AFF1: variants seen among roughly 807,000 people sequenced by gnomAD.
AFF1 encodes the protein ALF transcription elongation factor 1.
In AFF1, 48 loss-of-function variants were observed where a neutral mutation model predicts 121.7. The observed-to-expected ratio is 0.39, with a 90% CI of 0.31 to 0.50. The LOEUF (loss-of-function observed/expected upper bound fraction) is 0.50, where lower values mean the gene tolerates loss of function less well. AFF1 is among the 20% of genes least tolerant of loss of function. AFF1 has a pLI of 0.76. For synonymous variants in AFF1, 613 were observed against 563.0 expected (o/e 1.09, Z -1.26); for missense variants, 1,523 against 1,511.7 (o/e 1.01, Z -0.12).
At chr4:86,940,545 T>C (rs1283939170) in intron 1 of AFF1, among the ~76,000 whole-genome samples, 1 of 152,214 alleles carries the variant, frequency 6.6e-6, no homozygotes, top group African/African-American at 2.4e-5. Flanking sequence ...ATCACAGGCA[T>C]GTGCCACCAC....
intron 2 of AFF1, among the ~76,000 whole-genome samples, chr4:87,043,360 A>G (rs1267798614): frequency 6.6e-6 from 1 of 152,188 alleles, no homozygotes; most frequent in Non-Finnish European, 1.5e-5. Context: ...GTTTGGGAGA[A>G]TAGAAGCTTA....
chr4:87,035,098 A>G (rs536043841), intron 2 of AFF1, among the ~76,000 whole-genome samples: 2 of 152,262 alleles, frequency 1.3e-5, no homozygotes, highest in Non-Finnish European at 2.9e-5. Flanking sequence ...GGAGGCAGGG[A>G]TACTGAGGAA....
intron 1 of AFF1, among the ~76,000 whole-genome samples, chr4:86,946,912 T>C (rs1720908165): frequency 6.6e-6 from 1 of 152,072 alleles, no homozygotes; most frequent in South Asian, 2.1e-4. Flanking sequence ...GAGGGTAATG[T>C]GGGGAACTGC....
chr4:87,103,025 C>CTG (rs912247373), intron 8 of AFF1, among the ~76,000 whole-genome samples: 1 of 152,142 alleles, frequency 6.6e-6, no homozygotes, highest in Non-Finnish European at 1.5e-5. Flanking sequence ...CTTCACCTGT[C>CTG]ATCAAACTGT....
At chr4:87,015,579 A>G (rs1400333998) in intron 2 of AFF1, among the ~76,000 whole-genome samples, 1 of 152,208 alleles carries the variant, frequency 6.6e-6, no homozygotes, top group Non-Finnish European at 1.5e-5. Flanking sequence ...TGGCAGTTAG[A>G]TTGAATTTGA....
At chr4:87,068,844 T>C (rs914875272) in intron 4 of AFF1, among the ~76,000 whole-genome samples, 2 of 152,134 alleles carry the variant, frequency 1.3e-5, no homozygotes, top group Non-Finnish European at 2.9e-5. Context: ...AGTGACCTAG[T>C]GGCACCGATT....
chr4:87,121,778 G>A (rs529238254), intron 12 of AFF1, among the ~76,000 whole-genome samples: 6 of 152,326 alleles, frequency 3.9e-5, no homozygotes, highest in South Asian at 2.1e-4. Flanking sequence ...AGATGCTGGC[G>A]CTGAAGTTAG....
intron 2 of AFF1, among the ~76,000 whole-genome samples, chr4:86,995,403 A>C (rs1388775517): frequency 6.8e-6 from 1 of 147,642 alleles, no homozygotes; most frequent in Non-Finnish European, 1.5e-5. Context: ...GCTCACTGCA[A>C]CCTCCCTGCC....
At chr4:86,973,428 T>G (rs1723078377) in intron 2 of AFF1, among the ~76,000 whole-genome samples, 1 of 152,246 alleles carries the variant, frequency 6.6e-6, no homozygotes, top group South Asian at 2.1e-4. Context: ...ATTGGGCTTC[T>G]CAATTCTGCC....
chr4:87,131,292 A>G (rs1397850089), intron 17 of AFF1, 73 bp downstream of exon 17: 5 of 1,563,892 alleles, frequency 3.2e-6, no homozygotes, highest in Non-Finnish European at 3.5e-6. Flanking sequence ...AATCCATTTG[A>G]ACCTTAGTGT....
intron 4 of AFF1, among the ~76,000 whole-genome samples, chr4:87,075,910 A>G (rs1045566644): frequency 1.1e-4 from 17 of 152,228 alleles, no homozygotes; most frequent in Admixed American, 2.0e-4. Context: ...TTGAGATGTC[A>G]TGACATGACA....
chr4:87,013,489 T>C (rs951028636), intron 2 of AFF1, among the ~76,000 whole-genome samples: 1 of 152,098 alleles, frequency 6.6e-6, no homozygotes, highest in Non-Finnish European at 1.5e-5. Flanking sequence ...ACCTAGATTG[T>C]CTTTATTTCG....
intron 1 of AFF1, among the ~76,000 whole-genome samples, chr4:86,945,601 ACCAATC>A (rs1419092226): frequency 6.7e-6 from 1 of 150,158 alleles, no homozygotes; most frequent in Non-Finnish European, 1.5e-5. Context: ...CCTGGGCTCA[ACCAATC>A]CTCCTGCCTC....
At chr4:87,002,870 G>C (rs2149522834) in intron 2 of AFF1, among the ~76,000 whole-genome samples, 1 of 152,018 alleles carries the variant, frequency 6.6e-6, no homozygotes, top group Non-Finnish European at 1.5e-5. Flanking sequence ...GTTTAACAAA[G>C]GTTGTACTTC....
chr4:87,008,088 G>C (rs1436822822), intron 2 of AFF1, among the ~76,000 whole-genome samples: 2 of 152,200 alleles, frequency 1.3e-5, no homozygotes. Context: ...TTGAAGAAGA[G>C]TGATGACAAG....
At chr4:86,980,136 C>G (rs753991392) in intron 2 of AFF1, among the ~76,000 whole-genome samples, 5 of 152,138 alleles carry the variant, frequency 3.3e-5, no homozygotes, top group Non-Finnish European at 5.9e-5. Flanking sequence ...GTCTTGAACT[C>G]CTGGCCTCCA....
At chr4:87,054,696 T>G (rs1424067619) in intron 4 of AFF1, among the ~76,000 whole-genome samples, 1 of 152,142 alleles carries the variant, frequency 6.6e-6, no homozygotes, top group African/African-American at 2.4e-5. Flanking sequence ...TCCAAACCGC[T>G]TGTAAGAAAG....
intron 11 of AFF1, among the ~76,000 whole-genome samples, chr4:87,109,980 T>C (rs189096510): frequency 2.6e-5 from 4 of 152,348 alleles, no homozygotes; most frequent in Admixed American, 2.6e-4. Context: ...TTTCCTAAAG[T>C]ATTTAACTAC....
Position 87,114,841 on chromosome 4 carries a change from G to A in AFF1, c.2008G>A (p.Val670Met), listed in dbSNP as rs777137840. 3 of 1,613,894 alleles carry A rather than the reference G, an allele frequency of 1.9e-6. No homozygotes were observed. The Admixed American group carries it at 5.0e-5, about 27-fold the overall frequency. ...AAASNEPKPA[V>M]PPSSEKKKHK... ...AGCAAGCAACGAACCCAAGCCAGCA[G>A]TGCCCCCCTCCAGTGAGAAGAAGAA... The change falls in exon 12 of 21, where the codon GTG (valine) becomes ATG (methionine). Residue 670 changes from valine (V) to methionine (M), a missense_variant. Physicochemically the swap from Val to Met is conservative, Grantham distance 21. Coordinates refer to ENST00000395146, the MANE Select transcript of AFF1 (RefSeq NM_001166693.3).
Sources: gnomAD v4.1 joint callset for allele counts (sites outside exome capture counted in the v4.1 genomes callset) on GRCh38, gnomAD v4.1.1 for gene constraint, MANE v1.5 for transcripts, NCBI Gene and HGNC (gene_info 2026-07-23, HGNC 2026-07-21) for gene names.